FUT8: variants seen among roughly 807,000 people sequenced by gnomAD.
FUT8 encodes the protein fucosyltransferase 8.
Under a neutral mutation model 71.3 loss-of-function variants are expected in FUT8, and 29 were observed. The ratio of observed to expected loss-of-function variants is 0.41; its 90% CI spans 0.30 to 0.55. The LOEUF (loss-of-function observed/expected upper bound fraction) is 0.55. Ranked by LOEUF, FUT8 falls within the 20% of genes least tolerant of loss-of-function variation. FUT8 has a pLI of 0.34. For missense variants in FUT8, 544 were observed against 702.1 expected (o/e 0.77, Z 2.55); for synonymous variants, 254 against 239.3 (o/e 1.06, Z -0.57).
intron 9 of FUT8, among the ~76,000 whole-genome samples, chr14:65,724,961 C>T (rs772756780): frequency 6.6e-6 from 1 of 152,048 alleles, no homozygotes; most frequent in South Asian, 2.1e-4. Flanking sequence ...GTTAGGGATT[C>T]AACATAGGAA....
intron 6 of FUT8, among the ~76,000 whole-genome samples, chr14:65,665,424 A>G (rs1054679555): frequency 2.6e-5 from 4 of 152,182 alleles, no homozygotes; most frequent in African/African-American, 9.6e-5. Flanking sequence ...TGAGTGATGA[A>G]TAAGTGAAAG....
intron 6 of FUT8, among the ~76,000 whole-genome samples, chr14:65,650,592 C>T (rs1891343712): frequency 6.6e-6 from 1 of 151,540 alleles, no homozygotes; most frequent in Non-Finnish European, 1.5e-5. Flanking sequence ...AAACGGCCCT[C>T]ATGATCCAGT....
At chr14:65,457,857 C>T (rs987111236) in intron 2 of FUT8, 4 of 152,368 alleles carry the variant, frequency 2.6e-5, no homozygotes, top group Admixed American at 2.6e-4. Context: ...GGCTGCCTGT[C>T]TTTGATTTCA....
At chr14:65,662,163 C>G (rs1373223814) in intron 6 of FUT8, among the ~76,000 whole-genome samples, 1 of 152,074 alleles carries the variant, frequency 6.6e-6, no homozygotes, top group Non-Finnish European at 1.5e-5. Flanking sequence ...CCTGTAATCC[C>G]AGCACTTTGG....
intron 8 of FUT8, 151 bp downstream of exon 8, chr14:65,722,172 A>G (rs774049270): frequency 1.9e-4 from 186 of 985,152 alleles, no homozygotes; most frequent in Non-Finnish European, 2.2e-4. Flanking sequence ...GGTCACATGG[A>G]GACTATTTTT....
chr14:65,485,977 G>A lies in FUT8; in HGVS notation c.-228+30259G>A, dbSNP rs562603064. Among the ~76,000 whole-genome samples the A allele has an allele frequency of 7.9e-5, 12 of 152,146 alleles. No homozygotes were observed. In the South Asian group the frequency reaches 1.2e-3, roughly 16 times the overall value. ...AAATGTTGTTTTCTATATTATGTCC[G>A]TTTTTCTTTTAAGTGAGAGGACAAA... On this transcript the variant is annotated intron_variant, in intron 2 of 10. Coordinates refer to ENST00000673929, the MANE Select transcript of FUT8 (RefSeq NM_001371533.1).
intron 6 of FUT8, among the ~76,000 whole-genome samples, chr14:65,657,856 A>G (rs1443436940): frequency 6.6e-6 from 1 of 152,152 alleles, no homozygotes; most frequent in Non-Finnish European, 1.5e-5. Context: ...TGGCTACCCC[A>G]TTTACCCTGA....
intron 2 of FUT8, among the ~76,000 whole-genome samples, chr14:65,491,602 ATATT>A (rs1220798614): frequency 3.3e-5 from 5 of 152,184 alleles, no homozygotes; most frequent in African/African-American, 1.2e-4. Context: ...TAAGGGAACT[ATATT>A]TATAAAATCA....
chr14:65,390,815 C>T, the FUT8 span, among the ~76,000 whole-genome samples: 1 of 149,886 alleles, frequency 6.7e-6, no homozygotes, highest in South Asian at 2.1e-4. Context: ...CCTCCGCCTT[C>T]TGGGTTCAAA....
intron 6 of FUT8, among the ~76,000 whole-genome samples, chr14:65,655,125 GAT>G (rs1328564536): frequency 6.6e-6 from 1 of 151,794 alleles, no homozygotes; most frequent in Non-Finnish European, 1.5e-5. Flanking sequence ...GATATAGGTA[GAT>G]TAAAAGTGAA....
intron 2 of FUT8, among the ~76,000 whole-genome samples, chr14:65,461,182 A>G (rs1034754764): frequency 6.6e-6 from 1 of 152,138 alleles, no homozygotes; most frequent in Non-Finnish European, 1.5e-5. Context: ...CTTTTAGCTT[A>G]TGGTGGATGC....
upstream of FUT8, among the ~76,000 whole-genome samples, chr14:65,407,182 G>T (rs2065091566): frequency 6.6e-6 from 1 of 152,186 alleles, no homozygotes; most frequent in South Asian, 2.1e-4. Flanking sequence ...AAAAAAGCTA[G>T]TAAGTCTGAG....
At chr14:65,554,947 A>T (rs987577221) in intron 2 of FUT8, among the ~76,000 whole-genome samples, 8 of 152,162 alleles carry the variant, frequency 5.3e-5, no homozygotes, top group Non-Finnish European at 1.2e-4. Context: ...TTACTTTTGG[A>T]TTACACTGAT....
intron 5 of FUT8, among the ~76,000 whole-genome samples, chr14:65,623,813 C>T (rs1052612099): frequency 6.6e-6 from 1 of 152,180 alleles, no homozygotes; most frequent in Non-Finnish European, 1.5e-5. Context: ...TTGCTGGTAC[C>T]TTGCCTAGCT....
intron 2 of FUT8, among the ~76,000 whole-genome samples, chr14:65,503,554 T>G (rs905295020): frequency 6.6e-6 from 1 of 152,194 alleles, no homozygotes; most frequent in Non-Finnish European, 1.5e-5. Context: ...TACATCTAGA[T>G]TTTACTTTCA....
At chr14:65,519,474 G>A (rs967053557) in intron 2 of FUT8, among the ~76,000 whole-genome samples, 4 of 152,150 alleles carry the variant, frequency 2.6e-5, no homozygotes, top group Non-Finnish European at 4.4e-5. Context: ...AACAATGAAT[G>A]ATTCTAACAG....
chr14:65,617,143 T>C, intron 5 of FUT8: 1 of 1,594,424 alleles, frequency 6.3e-7, no homozygotes, highest in South Asian at 1.2e-5. Flanking sequence ...AAAATTGTTG[T>C]ATTAGCACAA....
At chr14:65,704,553 T>A (rs1237201257) in intron 7 of FUT8, among the ~76,000 whole-genome samples, 1 of 149,652 alleles carries the variant, frequency 6.7e-6, no homozygotes, top group Non-Finnish European at 1.5e-5. Flanking sequence ...TTAAAAAAAA[T>A]AGAACAAACA....
intron 10 of FUT8, among the ~76,000 whole-genome samples, chr14:65,735,598 A>G (rs1896180621): frequency 6.6e-6 from 1 of 151,622 alleles, no homozygotes; most frequent in African/African-American, 2.4e-5. Context: ...ATAGACTTGA[A>G]TACCTCAAAA....
Sources: gnomAD v4.1 joint callset for allele counts (sites outside exome capture counted in the v4.1 genomes callset) on GRCh38, gnomAD v4.1.1 for gene constraint, MANE v1.5 for transcripts, NCBI Gene and HGNC (gene_info 2026-07-23, HGNC 2026-07-21) for gene names.